SMAP1: variants seen among roughly 807,000 people sequenced by gnomAD.
SMAP1 encodes stromal membrane-associated protein 1.
SMAP1 carries 24 observed loss-of-function variants against 58.5 expected under a neutral mutation model. The ratio of observed to expected loss-of-function variants is 0.41; its 90% CI spans 0.30 to 0.58. The LOEUF is 0.58. SMAP1 is among the 20% of genes least tolerant of loss of function. SMAP1 has a pLI of 0.29. For missense variants in SMAP1, 563 were observed against 566.3 expected (o/e 0.99, Z 0.06); for synonymous variants, 216 against 196.6 (o/e 1.10, Z -0.82).
At chr6:70,757,062 G>T (rs1028836284) in intron 3 of SMAP1, among the ~76,000 whole-genome samples, 3 of 152,054 alleles carry the variant, frequency 2.0e-5, no homozygotes, top group Non-Finnish European at 2.9e-5. Flanking sequence ...CATTGCCAAG[G>T]CAATCCTAAG....
At chr6:70,856,704 T>C (rs1771439797) in intron 8 of SMAP1, 155 bp from the exon 9 acceptor site, 1 of 637,488 alleles carries the variant, frequency 1.6e-6, no homozygotes, top group Non-Finnish European at 2.6e-6. Flanking sequence ...TTATATGGGC[T>C]TGGGCTTGTA....
intron 2 of SMAP1, among the ~76,000 whole-genome samples, chr6:70,739,985 A>G (rs775991600): frequency 9.2e-5 from 14 of 151,814 alleles, no homozygotes; most frequent in Non-Finnish European, 1.3e-4. Flanking sequence ...TTAATTTTAT[A>G]TGTTTTTTCA....
At chr6:70,678,232 A>G (rs550302212) in intron 1 of SMAP1, among the ~76,000 whole-genome samples, 141 of 152,292 alleles carry the variant, frequency 9.3e-4, no homozygotes, top group African/African-American at 3.2e-3. Context: ...TTGACTAGAG[A>G]TCCAAGTGAT....
chr6:70,742,687 G>A (rs910633550), intron 2 of SMAP1, among the ~76,000 whole-genome samples: 1 of 152,122 alleles, frequency 6.6e-6, no homozygotes, highest in Non-Finnish European at 1.5e-5. Flanking sequence ...CCCGGTACCA[G>A]TTTACTGTAT....
rs558710538 is a variant in SMAP1 at position 70,668,262 on chromosome 6, C to T, written c.118+121C>T. Reference sequence around the variant, plus strand: ...CTTCGCTGGCCGGCTCCTGCCCTGACTGGAGGGCGGGTGGCTGAGCGGGCG... The same window carrying T: ...CTTCGCTGGCCGGCTCCTGCCCTGATTGGAGGGCGGGTGGCTGAGCGGGCG... On this transcript the variant is annotated intron_variant, in intron 1 of 10. Coordinates refer to ENST00000370455, the MANE Select transcript of SMAP1 (RefSeq NM_001044305.3). The T allele has an allele frequency of 3.8e-5, 36 of 946,414 alleles. No individual in the cohort carries two copies. The African/African-American group carries it at 5.6e-4, about 15-fold the overall frequency. The allele number at this position is 946,414 out of a possible 1,614,324, so 58.6% of individuals were successfully genotyped here.
intron 7 of SMAP1, among the ~76,000 whole-genome samples, chr6:70,838,356 G>A (rs1205839467): frequency 6.6e-6 from 1 of 152,186 alleles, no homozygotes; most frequent in Non-Finnish European, 1.5e-5. Flanking sequence ...AGATACTAGG[G>A]AGATAGATCT....
chr6:70,769,587 T>C (rs557930239), intron 3 of SMAP1, among the ~76,000 whole-genome samples: 21 of 152,278 alleles, frequency 1.4e-4, no homozygotes, highest in African/African-American at 5.1e-4. Flanking sequence ...CTGCCTTTTT[T>C]TGTTTTCCAT....
At position 70,808,759 on chromosome 6, in the gene SMAP1, CTT is replaced by C. The variant is rs200404614; in HGVS notation, c.576+10025_576+10026del. On this transcript the variant is annotated intron_variant, in intron 6 of 10. Transcript: ENST00000370455. ...TACATAATTAGTTTTTATTCAGTGA[CTT>C]TTCCTCACTATTATTTCAAACTGGT... 1.0e-2 allele frequency among the ~76,000 whole-genome samples: 1,516 copies of C among 152,042 alleles called. 31 individuals are homozygous for C. Among genetic ancestry groups the C allele is most frequent in the African/African-American group, 0.034 (1,415 of 41,498 alleles).
chr6:70,810,634 T>C (rs780359232), intron 6 of SMAP1, among the ~76,000 whole-genome samples: 65 of 152,294 alleles, frequency 4.3e-4, no homozygotes, highest in Non-Finnish European at 7.4e-4. Flanking sequence ...TGGAGGGCAG[T>C]GGTGTGATCA....
intron 1 of SMAP1, among the ~76,000 whole-genome samples, chr6:70,712,733 T>G (rs1472666751): frequency 6.6e-6 from 1 of 152,008 alleles, no homozygotes; most frequent in Non-Finnish European, 1.5e-5. Flanking sequence ...CCTAGTTGTT[T>G]ATAAGTAGTT....
chr6:70,744,789 A>G (rs923866902), intron 2 of SMAP1, among the ~76,000 whole-genome samples: 3 of 152,224 alleles, frequency 2.0e-5, no homozygotes, highest in African/African-American at 7.2e-5. Flanking sequence ...AGTCCCACCA[A>G]CAGTGTAAAA....
At chr6:70,847,431 C>CT (rs1264904582) in intron 7 of SMAP1, among the ~76,000 whole-genome samples, 51 of 152,178 alleles carry the variant, frequency 3.4e-4, no homozygotes, top group Non-Finnish European at 7.2e-4. Flanking sequence ...AAACATTCAT[C>CT]TATCAATTCA....
chr6:70,855,041 C>T (rs955096425), intron 8 of SMAP1, among the ~76,000 whole-genome samples: 3 of 89,440 alleles, frequency 3.4e-5, no homozygotes, highest in Admixed American at 3.3e-4. Flanking sequence ...AAACCCCTTT[C>T]CTGTTCTTTC....
chr6:70,765,152 A>G (rs1766914149), intron 3 of SMAP1, among the ~76,000 whole-genome samples: 1 of 152,200 alleles, frequency 6.6e-6, no homozygotes, highest in Non-Finnish European at 1.5e-5. Flanking sequence ...AATAAATGGA[A>G]TGTTTAGATT....
intron 2 of SMAP1, among the ~76,000 whole-genome samples, chr6:70,747,965 T>A (rs559436235): frequency 3.9e-5 from 6 of 152,256 alleles, no homozygotes; most frequent in Non-Finnish European, 7.4e-5. Flanking sequence ...TTTAAAAAAA[T>A]AATTAAAACA....
chr6:70,768,281 G>A (rs973215564), intron 3 of SMAP1, among the ~76,000 whole-genome samples: 5 of 152,176 alleles, frequency 3.3e-5, no homozygotes, highest in African/African-American at 4.8e-5. Flanking sequence ...AGTTAGGGAG[G>A]ATTCCCTCTT....
intron 1 of SMAP1, among the ~76,000 whole-genome samples, chr6:70,697,336 C>T (rs1767446378): frequency 1.3e-5 from 2 of 150,014 alleles, no homozygotes; most frequent in South Asian, 2.1e-4. Flanking sequence ...ACAAGAGTCT[C>T]ACACCATTGC....
intron 6 of SMAP1, among the ~76,000 whole-genome samples, chr6:70,799,916 G>C (rs1172233177): frequency 6.6e-6 from 1 of 152,146 alleles, no homozygotes; most frequent in Non-Finnish European, 1.5e-5. Flanking sequence ...GTAACACATA[G>C]TGTTGTCAGG....
intron 7 of SMAP1, among the ~76,000 whole-genome samples, chr6:70,838,631 G>C (rs939700285): frequency 6.6e-6 from 1 of 152,074 alleles, no homozygotes; most frequent in African/African-American, 2.4e-5. Context: ...AGATGCAAAG[G>C]CTCTTCAGTA....
Sources: gnomAD v4.1 joint callset for allele counts (sites outside exome capture counted in the v4.1 genomes callset) on GRCh38, gnomAD v4.1.1 for gene constraint, MANE v1.5 for transcripts, NCBI Gene and HGNC (gene_info 2026-07-23, HGNC 2026-07-21) for gene names.